The following KIF13B variants were observed in gnomAD, a reference collection of about 807,000 sequenced individuals.
KIF13B encodes kinesin-like protein KIF13B.
A neutral mutation model predicts 222.0 loss-of-function variants in KIF13B; 127 were observed. That is an observed-to-expected ratio of 0.57 (90% CI 0.50 to 0.66). KIF13B has a LOEUF of 0.66. Among genes scored for constraint, KIF13B ranks in the 30% least tolerant of loss-of-function variants. KIF13B has a pLI of 0.00. For missense variants in KIF13B, 2,173 were observed against 2,379.0 expected (o/e 0.91, Z 1.80); for synonymous variants, 976 against 919.0 (o/e 1.06, Z -1.12).
intron 37 of KIF13B, among the ~76,000 whole-genome samples, chr8:29,091,610 G>A (rs1808302839): frequency 6.6e-6 from 1 of 152,198 alleles, no homozygotes; most frequent in Non-Finnish European, 1.5e-5. Flanking sequence ...ATCACACTTT[G>A]TGAAACAATG....
At chr8:29,116,216 T>TA (rs1416515452) in intron 31 of KIF13B, among the ~76,000 whole-genome samples, 1 of 152,208 alleles carries the variant, frequency 6.6e-6, no homozygotes, top group Non-Finnish European at 1.5e-5. Flanking sequence ...TTCACCTTTT[T>TA]ATCCCAAAGC....
intron 37 of KIF13B, among the ~76,000 whole-genome samples, chr8:29,084,605 T>G (rs1807960949): frequency 6.6e-6 from 1 of 152,218 alleles, no homozygotes; most frequent in African/African-American, 2.4e-5. Flanking sequence ...CTTTTGATAG[T>G]GGAAATTAAA....
At chr8:29,174,392 G>T (rs1283586877) in intron 10 of KIF13B, among the ~76,000 whole-genome samples, 2 of 152,122 alleles carry the variant, frequency 1.3e-5, no homozygotes, top group African/African-American at 4.8e-5. Flanking sequence ...TAGTCTTACA[G>T]AAGCAGAAGT....
chr8:29,211,269 G>A (rs1325007564), intron 2 of KIF13B, among the ~76,000 whole-genome samples: 1 of 152,240 alleles, frequency 6.6e-6, no homozygotes, highest in Non-Finnish European at 1.5e-5. Flanking sequence ...AGCCATGATA[G>A]AACAACTGGT....
intron 2 of KIF13B, among the ~76,000 whole-genome samples, chr8:29,205,469 C>T (rs1307231828): frequency 6.6e-6 from 1 of 152,060 alleles, no homozygotes; most frequent in Non-Finnish European, 1.5e-5. Context: ...AAGAAAAACA[C>T]CGACTCACAA....
At chr8:29,245,722 G>A (rs532362581) in intron 1 of KIF13B, among the ~76,000 whole-genome samples, 1 of 152,096 alleles carries the variant, frequency 6.6e-6, no homozygotes, top group Admixed American at 6.5e-5. Flanking sequence ...AGGAATTCTA[G>A]TCAGGGCAGT....
rs192432763 is a variant in KIF13B at position 29,070,611 on chromosome 8, C to T, written c.5374G>A (p.Ala1792Thr). 3.8e-5 allele frequency: 60 copies of T among 1,586,884 alleles called. 1 individual carries two copies. In the East Asian group the frequency reaches 4.1e-4, roughly 11 times the overall value. The change falls in exon 40 of 40, where the codon GCC becomes ACC. Residue 1792 changes from alanine to threonine, a missense_variant. This residue lies in a region of KIF13B where 693 missense variants were observed against 656.2 expected (regional missense o/e 1.06). Transcript: ENST00000524189. The surrounding 1 kb of genome is among the most constrained non-coding windows in gnomAD (Gnocchi z 4.1). ...TTGGTGGCGGAGCCCGAGAGGGTGG[C>T]GCTCCGGCGGGCCTCGGGGGCACCC... ...RLGAPEARRS[A>T]TLSGSATNLA...
At chr8:29,159,035 C>A (rs567356245) in intron 13 of KIF13B, among the ~76,000 whole-genome samples, 1 of 152,320 alleles carries the variant, frequency 6.6e-6, no homozygotes, top group South Asian at 2.1e-4. Flanking sequence ...CGCATCTCTT[C>A]CCACGTAGTC....
chr8:29,109,130 C>T (rs558693067), intron 34 of KIF13B, among the ~76,000 whole-genome samples: 1 of 152,318 alleles, frequency 6.6e-6, no homozygotes, highest in South Asian at 2.1e-4. Context: ...TGCCATAGGC[C>T]CGTGGCTAGT....
chr8:29,134,952 A>G (rs939085991), intron 21 of KIF13B, among the ~76,000 whole-genome samples: 1 of 152,216 alleles, frequency 6.6e-6, no homozygotes, highest in Non-Finnish European at 1.5e-5. Context: ...AACTGGAGAT[A>G]CATGTCTAAT....
chr8:29,075,198 G>T, intron 38 of KIF13B, 83 bp downstream of exon 38: 1 of 1,044,324 alleles, frequency 9.6e-7, no homozygotes. Flanking sequence ...ATCAAAAACT[G>T]TGGGTGTGGA....
At chr8:29,135,008 A>G (rs545006371) in intron 21 of KIF13B, among the ~76,000 whole-genome samples, 4 of 152,220 alleles carry the variant, frequency 2.6e-5, no homozygotes, top group Non-Finnish European at 4.4e-5. Flanking sequence ...GTTTCTAAGC[A>G]GCCAAATATT....
intron 29 of KIF13B, among the ~76,000 whole-genome samples, chr8:29,119,940 G>A (rs1375276429): frequency 6.6e-6 from 1 of 152,086 alleles, no homozygotes; most frequent in Admixed American, 6.6e-5. Flanking sequence ...AAACCACGGA[G>A]GACATCCACA....
At chr8:29,179,880 A>G (rs561515309) in intron 8 of KIF13B, among the ~76,000 whole-genome samples, 144 of 152,276 alleles carry the variant, frequency 9.5e-4, no homozygotes, top group African/African-American at 3.2e-3. Flanking sequence ...GAGGCAGTCT[A>G]GAACCTGGTC....
intron 2 of KIF13B, among the ~76,000 whole-genome samples, chr8:29,239,142 C>A (rs531083821): frequency 1.3e-5 from 2 of 152,314 alleles, no homozygotes; most frequent in African/African-American, 4.8e-5. Context: ...GCCCAGCCCC[C>A]CAAACCATAC....
chr8:29,140,303 T>C, intron 20 of KIF13B, 112 bp from the exon 21 acceptor site: 1 of 1,460,384 alleles, frequency 6.8e-7, no homozygotes, highest in African/African-American at 1.4e-5. Context: ...TGTATGGGAA[T>C]TTAGAGGCCT....
rs375954454 is a variant in KIF13B, at chr8:29,140,197, G to A, written c.2485-6C>T. ...ACGTGCAGCCGACCTGCCACCTGCA[G>A]CAATGAGGGAAGGCAGAAACATTTC... is the stretch of plus-strand genomic sequence containing the variant. On this transcript the variant is annotated splice_polypyrimidine_tract_variant and splice_region_variant and intron_variant, in intron 20 of 39. Transcript: ENST00000524189. 1,865 of 1,613,352 alleles carry A rather than the reference G, an allele frequency of 1.2e-3. 1 individual carries two copies. Among genetic ancestry groups the A allele is most frequent in the Non-Finnish European group, 1.5e-3 (1,797 of 1,179,784 alleles).
At chr8:29,254,886 G>C (rs962101598) in intron 1 of KIF13B, among the ~76,000 whole-genome samples, 1 of 152,174 alleles carries the variant, frequency 6.6e-6, no homozygotes, top group African/African-American at 2.4e-5. Context: ...TTGGAAACAA[G>C]CCAAATGCCC....
upstream of KIF13B, chr8:29,263,095 G>C (rs1393323628): frequency 2.0e-6 from 3 of 1,515,850 alleles, no homozygotes; most frequent in Non-Finnish European, 2.7e-6. Flanking sequence ...CGACTCTTCG[G>C]GGTTGACCCG....
Sources: gnomAD v4.1 joint callset for allele counts (sites outside exome capture counted in the v4.1 genomes callset) on GRCh38, gnomAD v4.1.1 for gene constraint, gnomAD v4.1.1 regional missense constraint, Gnocchi (gnomAD v3.1) non-coding constraint, MANE v1.5 for transcripts, NCBI Gene and HGNC (gene_info 2026-07-23, HGNC 2026-07-21) for gene names.